The following TMCO4 variants were observed in gnomAD, a reference collection of about 807,000 sequenced individuals.
The protein encoded by TMCO4 is transmembrane and coiled-coil domain-containing protein 4.
TMCO4 carries 58 observed loss-of-function variants against 64.7 expected under a neutral mutation model. The observed-to-expected ratio is 0.90, with a 90% confidence interval of 0.73 to 1.12. The LOEUF is 1.12. Ranked by LOEUF, TMCO4 falls within the 50% of genes most tolerant of loss-of-function variation. The pLI is 0.00. For missense variants in TMCO4, 780 were observed against 825.9 expected, an observed-to-expected ratio of 0.94 and a Z score of 0.68; for synonymous variants, 325 against 346.1, an observed-to-expected ratio of 0.94 and a Z score of 0.68.
At chr1:19,726,363 C>G (rs2095408790) in intron 13 of TMCO4, among the ~76,000 whole-genome samples, 1 of 152,084 alleles carries the variant, frequency 6.6e-6, no homozygotes, top group African/African-American at 2.4e-5. Context: ...CTGGGCAAAT[C>G]CCTTCGGCTC....
At chr1:19,753,109 G>A (rs560163602) in intron 7 of TMCO4, among the ~76,000 whole-genome samples, 5 of 151,972 alleles carry the variant, frequency 3.3e-5, no homozygotes, top group South Asian at 4.2e-4. Flanking sequence ...ACAGGCATAC[G>A]CCATCACACC....
intron 13 of TMCO4, among the ~76,000 whole-genome samples, chr1:19,723,838 T>G (rs2095396954): frequency 6.6e-6 from 1 of 152,060 alleles, no homozygotes; most frequent in African/African-American, 2.4e-5. Context: ...GCGGGTCACC[T>G]GGTGACAATG....
chr1:19,739,535 G>T (rs1011505311), intron 12 of TMCO4, among the ~76,000 whole-genome samples: 1 of 152,212 alleles, frequency 6.6e-6, no homozygotes, highest in Non-Finnish European at 1.5e-5. Context: ...ATACATAGGA[G>T]CCACTTTTGC....
intron 6 of TMCO4, among the ~76,000 whole-genome samples, chr1:19,762,543 G>C (rs1247757404): frequency 1.3e-5 from 2 of 152,308 alleles, no homozygotes; most frequent in Middle Eastern, 6.8e-3. Flanking sequence ...TTCATGATGG[G>C]ACTCCTTCGC....
At chr1:19,772,467 A>G (rs1279228180) in intron 4 of TMCO4, among the ~76,000 whole-genome samples, 1 of 152,016 alleles carries the variant, frequency 6.6e-6, no homozygotes, top group Admixed American at 6.5e-5. Flanking sequence ...TCTAGGGGAG[A>G]AGGAAGCCTT....
At chr1:19,736,061 A>C (rs545378502) in intron 13 of TMCO4, among the ~76,000 whole-genome samples, 2 of 152,330 alleles carry the variant, frequency 1.3e-5, no homozygotes, top group Non-Finnish European at 2.9e-5. Flanking sequence ...AAGCCCAGGC[A>C]GGAGAGGCAA....
intron 3 of TMCO4, among the ~76,000 whole-genome samples, chr1:19,782,161 C>G (rs562357429): frequency 2.6e-5 from 4 of 152,288 alleles, no homozygotes; most frequent in Admixed American, 6.5e-5. Flanking sequence ...ACAACCCACA[C>G]GTCTATCACA....
intron 13 of TMCO4, among the ~76,000 whole-genome samples, chr1:19,733,094 C>T (rs1261614177): frequency 1.3e-5 from 2 of 151,766 alleles, no homozygotes; most frequent in Admixed American, 6.6e-5. Context: ...GGTGAAACCC[C>T]GACTCTACTA....
chr1:19,745,110 GGATA>G (rs1339080451), intron 10 of TMCO4, among the ~76,000 whole-genome samples: 1 of 151,672 alleles, frequency 6.6e-6, no homozygotes, highest in Admixed American at 6.6e-5. Flanking sequence ...GTGGGTGCAT[GGATA>G]GATAGGTAGA....
At chr1:19,792,763 C>T (rs949277881) in intron 2 of TMCO4, among the ~76,000 whole-genome samples, 2 of 78,124 alleles carry the variant, frequency 2.6e-5, no homozygotes, top group African/African-American at 8.7e-5. Flanking sequence ...AGGTCAAGGT[C>T]AATTTTTTTT....
intron 2 of TMCO4, among the ~76,000 whole-genome samples, chr1:19,793,567 G>A (rs1003275030): frequency 1.3e-5 from 2 of 152,206 alleles, no homozygotes; most frequent in African/African-American, 4.8e-5. Context: ...TATTGGAAGC[G>A]AGAGGTCAGT....
chr1:19,788,927 T>C (rs2043881965), intron 2 of TMCO4, among the ~76,000 whole-genome samples: 1 of 151,590 alleles, frequency 6.6e-6, no homozygotes, highest in Non-Finnish European at 1.5e-5. Flanking sequence ...TACAACAAAT[T>C]AGCCAGGTGT....
At chr1:19,707,449 C>G (rs1397426296) in intron 13 of TMCO4, among the ~76,000 whole-genome samples, 3 of 152,184 alleles carry the variant, frequency 2.0e-5, no homozygotes, top group Non-Finnish European at 4.4e-5. Context: ...ATGGCAAAAC[C>G]CAGTCTCTAC....
intron 15 of TMCO4, among the ~76,000 whole-genome samples, chr1:19,692,037 C>T (rs1316340777): frequency 6.6e-6 from 1 of 152,172 alleles, no homozygotes; most frequent in Non-Finnish European, 1.5e-5. Flanking sequence ...GTCCATTAAA[C>T]CTCTTTTTCT....
At chr1:19,723,395 C>T (rs1339255093) in intron 13 of TMCO4, among the ~76,000 whole-genome samples, 1 of 152,152 alleles carries the variant, frequency 6.6e-6, no homozygotes, top group Non-Finnish European at 1.5e-5. Context: ...ACCCCATAGG[C>T]CCCCAGATCC....
chr1:19,685,719 T>C (rs968335586), intron 15 of TMCO4, among the ~76,000 whole-genome samples: 45 of 139,642 alleles, frequency 3.2e-4, no homozygotes, highest in African/African-American at 1.0e-3. Flanking sequence ...TCTTTTTTTT[T>C]TTTTTTTTTT....
intron 1 of TMCO4, among the ~76,000 whole-genome samples, chr1:19,798,458 T>G (rs2044442500): frequency 6.6e-6 from 1 of 152,208 alleles, no homozygotes; most frequent in Admixed American, 6.5e-5. Flanking sequence ...TCCTTGGGCC[T>G]TAGGACTAAA....
Position 19,694,365 on chromosome 1 carries a change from G to T in TMCO4, c.1500+69C>A. 4.3e-6 allele frequency: 6 copies of T among 1,387,002 alleles called. No homozygotes were observed. The Admixed American group carries it at 6.9e-5, about 16-fold the overall frequency. 85.9% of individuals were successfully genotyped at this position (1,387,002 alleles called of 1,614,324 possible). On this transcript the variant is annotated intron_variant, in intron 15 of 15. Coordinates refer to ENST00000294543, the MANE Select transcript of TMCO4 (RefSeq NM_181719.7). ...CCAGGCTGGGGCCACTGTCTCCAGG[G>T]GACAGGGGTGGCTGGGCTGGAGCAA...
intron 7 of TMCO4, among the ~76,000 whole-genome samples, chr1:19,749,360 C>CT (rs1044369877): frequency 1.1e-3 from 158 of 147,338 alleles, no homozygotes; most frequent in African/African-American, 3.0e-3. Context: ...CTGGCAGAAT[C>CT]TTTTTTTTTT....
Sources: gnomAD v4.1 joint callset for allele counts (sites outside exome capture counted in the v4.1 genomes callset) on GRCh38, gnomAD v4.1.1 for gene constraint, MANE v1.5 for transcripts, NCBI Gene and HGNC (gene_info 2026-07-23, HGNC 2026-07-21) for gene names.